The following ITGAV variants were observed in gnomAD, a reference collection of about 807,000 sequenced individuals.
The protein encoded by ITGAV is integrin subunit alpha V, also known as integrin alpha-V.
ITGAV carries 76 observed loss-of-function variants against 143.8 expected under a neutral mutation model. The ratio of observed to expected loss-of-function variants is 0.53; its 90% CI spans 0.44 to 0.64. The LOEUF is 0.64. Ranked by LOEUF, ITGAV falls within the 30% of genes least tolerant of loss-of-function variation. ITGAV has a pLI of 0.00. For synonymous variants in ITGAV, 453 were observed against 446.7 expected, an observed-to-expected ratio of 1.01 and a Z score of -0.18; for missense variants, 1,193 against 1,274.7, an observed-to-expected ratio of 0.94 and a Z score of 0.98.
At chr2:186,623,019 C>T (rs73050277) in intron 3 of ITGAV, among the ~76,000 whole-genome samples, 3,648 of 152,204 alleles carry the variant, frequency 0.024, 167 homozygotes, top group African/African-American at 0.084. Context: ...CGAGCCTGGC[C>T]ACTTCCTCTC....
intron 2 of ITGAV, among the ~76,000 whole-genome samples, chr2:186,603,362 A>C (rs932729473): frequency 6.6e-6 from 1 of 152,158 alleles, no homozygotes; most frequent in African/African-American, 2.4e-5. Flanking sequence ...CATGATGTGG[A>C]CTGTTCCATT....
At chr2:186,676,133 C>T in intron 28 of ITGAV, 1 of 463,802 alleles carries the variant, frequency 2.2e-6, no homozygotes, top group Non-Finnish European at 3.8e-6. Context: ...AGTTTAGCAT[C>T]TTGTCCAGTG....
At chr2:186,599,497 A>T (rs960912067) in intron 1 of ITGAV, among the ~76,000 whole-genome samples, 12 of 152,228 alleles carry the variant, frequency 7.9e-5, no homozygotes, top group African/African-American at 2.9e-4. Flanking sequence ...ATTTTATTTT[A>T]TTTCTTGAGA....
intron 2 of ITGAV, among the ~76,000 whole-genome samples, chr2:186,606,387 G>A (rs1312266525): frequency 2.6e-5 from 4 of 152,164 alleles, no homozygotes; most frequent in African/African-American, 9.7e-5. Flanking sequence ...TCTCCCTAGT[G>A]CAGTATTCTC....
intron 1 of ITGAV, among the ~76,000 whole-genome samples, chr2:186,593,856 C>G (rs903650802): frequency 4.6e-5 from 7 of 152,210 alleles, no homozygotes; most frequent in African/African-American, 1.7e-4. Flanking sequence ...TTTATTAATT[C>G]AAATATTGAA....
At chr2:186,668,739 TAC>T in intron 24 of ITGAV, 21 bp from the exon 25 acceptor site, 10 of 1,609,178 alleles carry the variant, frequency 6.2e-6, no homozygotes, top group Non-Finnish European at 8.5e-6. Context: ...AAGGTGTAGA[TAC>T]ATTTTCTTTT....
At chr2:186,651,212 G>T (rs1031696988) in intron 14 of ITGAV, among the ~76,000 whole-genome samples, 2 of 152,162 alleles carry the variant, frequency 1.3e-5, no homozygotes, top group Non-Finnish European at 2.9e-5. Flanking sequence ...GCTATGTAGC[G>T]GAGTTTGCGA....
Position 186,636,116 on chromosome 2 carries a change from A to G in ITGAV, c.666A>G (p.Val222=), listed in dbSNP as rs774333133. Residue 222 remains valine, a synonymous_variant, in exon 7 of 30, where the codon GTA becomes GTG. Coordinates refer to ENST00000261023, the MANE Select transcript of ITGAV (RefSeq NM_002210.5). The part of the protein sequence containing the change: ...QLISDQVAEI[V]SKYDPNVYSI... The stretch of plus-strand genomic sequence containing the variant: ...TTTCGGATCAAGTGGCAGAAATCGT[A>G]TCTAAATACGACCCCAATGTTTACA... 3.1e-6 allele frequency: 5 copies of G among 1,613,354 alleles called. No individual in the cohort carries two copies. The highest frequency in any genetic ancestry group is 3.3e-5 in the Admixed American group (2 of 59,948).
At chr2:186,655,509 A>G (rs1031712880) in intron 16 of ITGAV, among the ~76,000 whole-genome samples, 2 of 152,236 alleles carry the variant, frequency 1.3e-5, no homozygotes, top group African/African-American at 2.4e-5. Context: ...ATGGAGGTCA[A>G]TATGGCCTAG....
At chr2:186,619,783 G>A (rs1297813788) in intron 2 of ITGAV, among the ~76,000 whole-genome samples, 4 of 152,132 alleles carry the variant, frequency 2.6e-5, no homozygotes, top group African/African-American at 7.2e-5. Flanking sequence ...CTGAGGTCAC[G>A]AGTTCAAGAC....
chr2:186,670,829 C>A (rs1689043192), intron 26 of ITGAV, among the ~76,000 whole-genome samples: 1 of 152,160 alleles, frequency 6.6e-6, no homozygotes, highest in Non-Finnish European at 1.5e-5. Flanking sequence ...CTACTAGAAA[C>A]TGCTTTTAAA....
chr2:186,654,922 G>A (rs1298812644), intron 16 of ITGAV, among the ~76,000 whole-genome samples: 1 of 152,054 alleles, frequency 6.6e-6, no homozygotes, highest in Non-Finnish European at 1.5e-5. Context: ...TGGACATTAT[G>A]AGCTAAATAG....
chr2:186,604,616 C>G (rs1337436788), intron 2 of ITGAV, among the ~76,000 whole-genome samples: 1 of 152,132 alleles, frequency 6.6e-6, no homozygotes, highest in Non-Finnish European at 1.5e-5. Context: ...TGTTTTGAAA[C>G]CCATGGCAAC....
At chr2:186,637,205 G>C in intron 8 of ITGAV, 96 bp downstream of exon 8, 1 of 1,005,702 alleles carries the variant, frequency 9.9e-7, no homozygotes, top group East Asian at 2.5e-5. Context: ...TGAGTGGCTG[G>C]GTGCTGTGGC....
At chr2:186,644,424 C>G (rs1428539004) in intron 12 of ITGAV, among the ~76,000 whole-genome samples, 2 of 151,928 alleles carry the variant, frequency 1.3e-5, no homozygotes, top group Non-Finnish European at 2.9e-5. Context: ...CTCCTGGGTT[C>G]AAGCGATTCC....
chr2:186,606,973 A>G (rs1687085561), intron 2 of ITGAV, among the ~76,000 whole-genome samples: 1 of 152,044 alleles, frequency 6.6e-6, no homozygotes, highest in African/African-American at 2.4e-5. Context: ...GCTTGAAATG[A>G]TCACATCCTT....
chr2:186,608,586 A>C (rs1687130150), intron 2 of ITGAV, among the ~76,000 whole-genome samples: 1 of 152,012 alleles, frequency 6.6e-6, no homozygotes, highest in African/African-American at 2.4e-5. Flanking sequence ...CACTGAGTAC[A>C]GTTCTCTTTC....
rs1312805492 is a variant in ITGAV at position 186,590,216 on chromosome 2, G to A, written c.-123G>A. The A allele has an allele frequency of 9.9e-6, 8 of 806,354 alleles. No homozygotes were observed. In the East Asian group the frequency reaches 1.7e-4, roughly 17 times the overall value. The allele number at this position is 806,354 out of a possible 1,614,324, so 49.9% of individuals were successfully genotyped here. A position where few individuals can be genotyped will look rare whatever the true frequency, so the allele number is the denominator to read the frequency against. ...GCCCCGGAGCTGTCCCGGGCTAGCC[G>A]AGAAGAGAGCGGCCGGCAAGTTTGG... On this transcript the variant is annotated 5_prime_UTR_variant, in exon 1 of 30. Coordinates refer to ENST00000261023, the MANE Select transcript of ITGAV (RefSeq NM_002210.5).
At position 186,602,150 on chromosome 2, in the gene ITGAV, A is replaced by G. The variant is rs1412671680; in HGVS notation, c.315A>G (p.Thr105=). The change falls in exon 2 of 30, where the codon ACA becomes ACG. Residue 105 remains threonine, a splice_region_variant and synonymous_variant. Transcript: ENST00000261023. ...GCCAGCCAATTGAATTTGATGCAAC[A>G]GGTAAATTTTGATGCACAATTTTCT... The part of the protein sequence containing the change: ...RRCQPIEFDA[T]GNRDYAKDDP... 2 of 1,601,364 alleles carry G rather than the reference A, an allele frequency of 1.2e-6. No homozygotes were observed. Among genetic ancestry groups the G allele is most frequent in the South Asian group, 1.2e-5 (1 of 86,668 alleles).
Sources: gnomAD v4.1 joint callset for allele counts (sites outside exome capture counted in the v4.1 genomes callset) on GRCh38, gnomAD v4.1.1 for gene constraint, MANE v1.5 for transcripts, NCBI Gene and HGNC (gene_info 2026-07-23, HGNC 2026-07-21) for gene names.